SNX24: variants seen among roughly 807,000 people sequenced by gnomAD.
SNX24 encodes sorting nexin-24.
In SNX24, 22 loss-of-function variants were observed where a neutral mutation model predicts 28.7. The ratio of observed to expected loss-of-function variants is 0.77; its 90% confidence interval spans 0.55 to 1.10. SNX24 has a LOEUF of 1.10. SNX24 is among the 50% of genes least tolerant of loss of function. The probability of loss-of-function intolerance (pLI) is 0.00; values close to 1 mark genes in which losing one functional copy is unlikely to be tolerated. For missense variants in SNX24, 221 were observed against 201.1 expected, an observed-to-expected ratio of 1.10 and a Z score of -0.60; for synonymous variants, 69 against 71.5, an observed-to-expected ratio of 0.96 and a Z score of 0.18.
rs140251551 is a variant in SNX24, at chr5:122,882,554, C to T, written c.60+36861C>T. On this transcript the variant is annotated intron_variant, in intron 1 of 6. Coordinates refer to ENST00000261369, the MANE Select transcript of SNX24 (RefSeq NM_014035.4). ...GAGCTCCTGCCCTCATCTCTTTGTTCTGTGTTCTGGACCCACTGTGAATGC... is the reference window on the plus strand; with the variant it reads ...GAGCTCCTGCCCTCATCTCTTTGTTTTGTGTTCTGGACCCACTGTGAATGC... Among the ~76,000 whole-genome samples, 202 of 152,340 alleles carry T rather than the reference C, an allele frequency of 1.3e-3. 1 individual carries two copies. Among genetic ancestry groups the T allele is most frequent in the African/African-American group, 4.7e-3 (196 of 41,578 alleles).
chr5:123,001,456 C>A lies in SNX24; in HGVS notation c.377+19C>A. Reference sequence around the variant, plus strand: ...AGTCAAGGTAAGGACTAATCCTCATCAGCCAGGAATAGGATTATGGTTTTG... The same window carrying A: ...AGTCAAGGTAAGGACTAATCCTCATAAGCCAGGAATAGGATTATGGTTTTG... On this transcript the variant is annotated intron_variant, in intron 5 of 6. Coordinates refer to ENST00000261369, the MANE Select transcript of SNX24 (RefSeq NM_014035.4). 1.9e-6 allele frequency: 3 copies of A among 1,551,856 alleles called. No individual in the cohort carries two copies. Among genetic ancestry groups the A allele is most frequent in the African/African-American group, 1.4e-5 (1 of 73,654 alleles).
Position 122,944,442 on chromosome 5 carries a change from CA to C in SNX24, c.145-1606del, listed in dbSNP as rs1160284235. On this transcript the variant is annotated intron_variant, in intron 2 of 6. Transcript: ENST00000261369. The stretch of plus-strand genomic sequence containing the variant: ...AATGACATTGATTTTTTTTTTCCCC[CA>C]AAAAAAGAAGGAGGAAATGAATATT... 9.4e-4 allele frequency among the ~76,000 whole-genome samples: 141 copies of C among 150,038 alleles called. 2 individuals are homozygous for C. The highest frequency in any genetic ancestry group is 3.9e-4 in the East Asian group (2 of 5,144).
At chr5:122,845,817 C>T (rs1449233130) in intron 1 of SNX24, 124 bp downstream of exon 1, 2 of 475,888 alleles carry the variant, frequency 4.2e-6, no homozygotes, top group East Asian at 3.8e-5. Context: ...TCCCCTCCCC[C>T]GGCCCAGAGG....
chr5:122,952,131 C>A (rs1001699130), intron 3 of SNX24, among the ~76,000 whole-genome samples: 1 of 152,214 alleles, frequency 6.6e-6, no homozygotes, highest in African/African-American at 2.4e-5. Flanking sequence ...ACTTGTGTCC[C>A]ATTCCCAAGA....
intron 1 of SNX24, among the ~76,000 whole-genome samples, chr5:122,865,484 C>T (rs1316076388): frequency 6.6e-6 from 1 of 152,164 alleles, no homozygotes; most frequent in Non-Finnish European, 1.5e-5. Flanking sequence ...GTGCACACCA[C>T]CATGCCCGGC....
intron 2 of SNX24, among the ~76,000 whole-genome samples, chr5:122,943,438 C>T (rs1247566781): frequency 1.3e-5 from 2 of 152,142 alleles, no homozygotes; most frequent in East Asian, 1.9e-4. Flanking sequence ...CATGCCTGTC[C>T]TCTTGAAACA....
At chr5:123,010,988 T>G (rs1382734911), downstream of SNX24, among the ~76,000 whole-genome samples, 1 of 152,216 alleles carries the variant, frequency 6.6e-6, no homozygotes, top group Admixed American at 6.5e-5. Flanking sequence ...CATTTTACTT[T>G]TCGATTTCAC....
chr5:122,994,173 A>C lies in SNX24; in HGVS notation c.250-5739A>C, dbSNP rs181348631. 3.9e-5 allele frequency among the ~76,000 whole-genome samples: 6 copies of C among 152,322 alleles called. No individual in the cohort carries two copies. The East Asian group carries it at 1.2e-3, about 29-fold the overall frequency. ...AGTGGTCTTGTCCAAGTTTTCAACA[A>C]GATGTTCCATTCCTGTTATAATTGG... On this transcript the variant is annotated intron_variant, in intron 3 of 6. Transcript: ENST00000261369.
chr5:122,902,049 C>G (rs1757469582), intron 1 of SNX24, among the ~76,000 whole-genome samples: 1 of 152,236 alleles, frequency 6.6e-6, no homozygotes, highest in Non-Finnish European at 1.5e-5. Flanking sequence ...CAGTCATTGT[C>G]TGTCCTTCAT....
At chr5:122,917,048 C>A (rs1379108736) in intron 1 of SNX24, among the ~76,000 whole-genome samples, 2 of 152,104 alleles carry the variant, frequency 1.3e-5, no homozygotes, top group African/African-American at 4.8e-5. Context: ...GGGGACGGAT[C>A]ACGAGGTCAA....
At chr5:123,007,362 G>A (rs1762453077) in intron 6 of SNX24, among the ~76,000 whole-genome samples, 1 of 152,232 alleles carries the variant, frequency 6.6e-6, no homozygotes, top group African/African-American at 2.4e-5. Flanking sequence ...AATTGCCAGT[G>A]TAATCCATCT....
chr5:122,885,445 ATCT>A (rs536404367), intron 1 of SNX24, among the ~76,000 whole-genome samples: 294 of 152,180 alleles, frequency 1.9e-3, no homozygotes, highest in African/African-American at 6.7e-3. Flanking sequence ...CTTTTGTATC[ATCT>A]TCTTTTGTAC....
chr5:122,905,811 A>T (rs900986129), intron 1 of SNX24, among the ~76,000 whole-genome samples: 8 of 152,200 alleles, frequency 5.3e-5, no homozygotes, highest in African/African-American at 1.7e-4. Context: ...GGGAACTCAA[A>T]TTTAAATGAT....
chr5:123,010,983 T>C (rs918613548), downstream of SNX24, among the ~76,000 whole-genome samples: 1 of 152,216 alleles, frequency 6.6e-6, no homozygotes, highest in Non-Finnish European at 1.5e-5. Flanking sequence ...ATAGACATTT[T>C]ACTTTTCGAT....
At chr5:122,892,689 C>T (rs931219653) in intron 1 of SNX24, among the ~76,000 whole-genome samples, 4 of 151,952 alleles carry the variant, frequency 2.6e-5, no homozygotes, top group African/African-American at 7.2e-5. Context: ...CTGTCTGCCT[C>T]GGCCTCCCAA....
chr5:123,011,623 G>T (rs1456418132), downstream of SNX24, among the ~76,000 whole-genome samples: 2 of 152,180 alleles, frequency 1.3e-5, no homozygotes, highest in Non-Finnish European at 2.9e-5. Context: ...GCATCAAGAA[G>T]AATTCTGGCA....
intron 3 of SNX24, among the ~76,000 whole-genome samples, chr5:122,946,824 T>C (rs1232260343): frequency 2.0e-5 from 3 of 152,154 alleles, no homozygotes; most frequent in Non-Finnish European, 2.9e-5. Flanking sequence ...AAAGAACTAG[T>C]GGCCCCAGGC....
intron 1 of SNX24, among the ~76,000 whole-genome samples, chr5:122,855,383 C>T (rs1424283606): frequency 6.6e-6 from 1 of 152,154 alleles, no homozygotes; most frequent in African/African-American, 2.4e-5. Context: ...TGCCAATTTC[C>T]TAAGACAATT....
chr5:122,904,980 T>C (rs538652463), intron 1 of SNX24, among the ~76,000 whole-genome samples: 2 of 152,320 alleles, frequency 1.3e-5, no homozygotes, highest in South Asian at 4.2e-4. Context: ...GTGTGGGTGT[T>C]GTTTCCCAGG....
Sources: allele counts gnomAD v4.1 joint callset (sites outside exome capture counted in the v4.1 genomes callset), GRCh38; gene constraint gnomAD v4.1.1; transcripts MANE v1.5; gene names NCBI Gene and HGNC (gene_info 2026-07-23, HGNC 2026-07-21).